XKR9: variants seen among roughly 807,000 people sequenced by gnomAD.
XKR9 encodes XK related 9.
In XKR9, 32 loss-of-function variants were observed where a neutral mutation model predicts 32.0. That is an observed-to-expected ratio of 1.00 (90% CI 0.76 to 1.34). The LOEUF is 1.34. Among genes scored for constraint, XKR9 ranks in the 40% most tolerant of loss-of-function variants. The probability of loss-of-function intolerance (pLI) is 0.00; values close to 1 mark genes in which losing one functional copy is unlikely to be tolerated. For synonymous variants in XKR9, 168 were observed against 143.4 expected (o/e 1.17, Z -1.22); for missense variants, 546 against 429.7 (o/e 1.27, Z -2.39).
At chr8:71,018,980 A>T in the XKR9 span, among the ~76,000 whole-genome samples, 1 of 152,196 alleles carries the variant, frequency 6.6e-6, no homozygotes, top group African/African-American at 2.4e-5. Context: ...GACTGAGAAA[A>T]AGCTGGATAT....
chr8:70,768,548 G>T (rs947152266), intron 2 of XKR9, among the ~76,000 whole-genome samples: 3 of 152,132 alleles, frequency 2.0e-5, no homozygotes, highest in Non-Finnish European at 4.4e-5. Context: ...TATTGTGTGG[G>T]AGTCTAAGTC....
chr8:70,883,979 C>A, the XKR9 span, among the ~76,000 whole-genome samples: 10 of 152,264 alleles, frequency 6.6e-5, no homozygotes, highest in East Asian at 1.7e-3. Flanking sequence ...TTCAAAATGG[C>A]TGTACCATTT....
At chr8:70,727,532 C>T (rs148544952) in intron 4 of XKR9, among the ~76,000 whole-genome samples, 11,042 of 152,060 alleles carry the variant, frequency 0.073, 474 homozygotes, top group Non-Finnish European at 0.089. Context: ...TCCTGAGTGG[C>T]TGGGACTACA....
the XKR9 span, among the ~76,000 whole-genome samples, chr8:70,968,983 T>C: frequency 2.4e-3 from 365 of 152,290 alleles, 2 homozygotes; most frequent in Non-Finnish European, 3.2e-3. Context: ...AGTTGCACCA[T>C]GCTGGGGGAA....
chr8:70,868,178 C>T, the XKR9 span, among the ~76,000 whole-genome samples: 1 of 152,160 alleles, frequency 6.6e-6, no homozygotes, highest in African/African-American at 2.4e-5. Flanking sequence ...GTGCATGGTG[C>T]AAGCTGTTGG....
intron 2 of XKR9, among the ~76,000 whole-genome samples, chr8:70,764,106 C>G (rs1807343292): frequency 6.6e-6 from 1 of 152,164 alleles, no homozygotes; most frequent in Non-Finnish European, 1.5e-5. Context: ...TAACCTATGT[C>G]ATGACTGCTG....
chr8:70,723,884 G>A (rs1026460270), intron 4 of XKR9, among the ~76,000 whole-genome samples: 2 of 132,046 alleles, frequency 1.5e-5, no homozygotes, highest in Non-Finnish European at 3.3e-5. Context: ...CAGTAGGTGG[G>A]AACTTTTTTT....
chr8:70,710,819 AG>A (rs1805893251), intron 4 of XKR9, among the ~76,000 whole-genome samples: 2 of 152,218 alleles, frequency 1.3e-5, no homozygotes, highest in African/African-American at 4.8e-5. Flanking sequence ...GCATGGCAAA[AG>A]AAACTATCAG....
At chr8:70,904,525 A>AGATGGGTCT in the XKR9 span, among the ~76,000 whole-genome samples, 2 of 152,022 alleles carry the variant, frequency 1.3e-5, no homozygotes, top group Admixed American at 6.6e-5. Flanking sequence ...TCTGCACGTG[A>AGATGGGTCT]GATGGGTCTC....
the XKR9 span, among the ~76,000 whole-genome samples, chr8:70,993,613 CCT>C: frequency 1.6e-5 from 1 of 61,662 alleles, no homozygotes; most frequent in African/African-American, 6.8e-5. Context: ...TTCCTTCCTT[CCT>C]TCCTTCCTTC....
chr8:70,803,874 C>G, the XKR9 span, among the ~76,000 whole-genome samples: 5 of 152,220 alleles, frequency 3.3e-5, no homozygotes, highest in Non-Finnish European at 5.9e-5. Flanking sequence ...TTGTGCCTGA[C>G]TGCAGAATTC....
chr8:70,926,850 G>A, the XKR9 span, among the ~76,000 whole-genome samples: 1 of 152,102 alleles, frequency 6.6e-6, no homozygotes, highest in Admixed American at 6.5e-5. Context: ...GGAAACTTGG[G>A]TTTTACAACT....
At chr8:70,854,183 C>T in the XKR9 span, among the ~76,000 whole-genome samples, 1 of 152,198 alleles carries the variant, frequency 6.6e-6, no homozygotes, top group Admixed American at 6.5e-5. Context: ...TCCTCTCCAG[C>T]ACCTGTTGTT....
chr8:70,978,929 C>T, the XKR9 span, among the ~76,000 whole-genome samples: 24 of 152,178 alleles, frequency 1.6e-4, no homozygotes, highest in South Asian at 3.3e-3. Context: ...AGGCTTTCTT[C>T]GTTTCTTTTT....
At chr8:70,869,539 G>A in the XKR9 span, among the ~76,000 whole-genome samples, 1 of 152,130 alleles carries the variant, frequency 6.6e-6, no homozygotes, top group Non-Finnish European at 1.5e-5. Context: ...CTCCCACTGG[G>A]TCCATCCCAC....
At chr8:70,814,428 A>C in the XKR9 span, among the ~76,000 whole-genome samples, 3 of 152,000 alleles carry the variant, frequency 2.0e-5, no homozygotes, top group Non-Finnish European at 4.4e-5. Context: ...TGTACCCTAA[A>C]ACTTAAAAGT....
chr8:70,890,598 A>G, the XKR9 span, among the ~76,000 whole-genome samples: 4 of 152,034 alleles, frequency 2.6e-5, no homozygotes, highest in African/African-American at 9.6e-5. Context: ...GATAGGAAGT[A>G]CCATGTTTAT....
the XKR9 span, among the ~76,000 whole-genome samples, chr8:70,835,652 T>G: frequency 6.6e-6 from 1 of 152,106 alleles, no homozygotes; most frequent in Non-Finnish European, 1.5e-5. Flanking sequence ...TGAACTACGC[T>G]TCTTACAGTC....
intron 3 of XKR9, among the ~76,000 whole-genome samples, chr8:70,696,214 T>C (rs554211073): frequency 6.6e-6 from 1 of 152,310 alleles, no homozygotes; most frequent in South Asian, 2.1e-4. Context: ...ATTCTGGCTT[T>C]CGTTGCCATT....
Sources: allele counts gnomAD v4.1 joint callset (sites outside exome capture counted in the v4.1 genomes callset), GRCh38; gene constraint gnomAD v4.1.1; transcripts MANE v1.5; gene names NCBI Gene and HGNC (gene_info 2026-07-23, HGNC 2026-07-21).